The following LINGO2 variants were observed in gnomAD, a reference collection of about 807,000 sequenced individuals.
LINGO2 encodes the protein leucine-rich repeat and immunoglobulin-like domain-containing nogo receptor-interacting protein 2.
A neutral mutation model predicts 30.6 loss-of-function variants in LINGO2; 14 were observed. That is an observed-to-expected ratio of 0.46 (90% CI 0.30 to 0.72). The LOEUF is 0.72. Among genes scored for constraint, LINGO2 ranks in the 30% least tolerant of loss-of-function variants. The pLI, the probability that LINGO2 is intolerant of heterozygous loss-of-function variation, is 0.07. For synonymous variants in LINGO2, 317 were observed against 288.5 expected, an observed-to-expected ratio of 1.10 and a Z score of -1.00; for missense variants, 729 against 751.7, an observed-to-expected ratio of 0.97 and a Z score of 0.35.
chr9:28,186,281 C>T (rs992520835), intron 4 of LINGO2, among the ~76,000 whole-genome samples: 3 of 152,030 alleles, frequency 2.0e-5, no homozygotes, highest in South Asian at 2.1e-4. Flanking sequence ...TCTAAAGAGG[C>T]GCTGATTCTA....
intron 3 of LINGO2, among the ~76,000 whole-genome samples, chr9:28,302,869 C>T (rs1025689948): frequency 5.3e-5 from 8 of 152,126 alleles, no homozygotes; most frequent in Non-Finnish European, 1.0e-4. Context: ...ACAGGTACTA[C>T]TTCCATTTTG....
the LINGO2 span, among the ~76,000 whole-genome samples, chr9:28,852,302 C>A: frequency 6.6e-6 from 1 of 151,904 alleles, no homozygotes; most frequent in Non-Finnish European, 1.5e-5. Context: ...GCTCCCTCCC[C>A]CATCAATATT....
rs144236558 is a variant in LINGO2 at position 28,062,035 on chromosome 9, T to C, written c.-86-49630A>G. Among the ~76,000 whole-genome samples the C allele has an allele frequency of 4.6e-3, 705 of 152,210 alleles. 15 individuals are homozygous for C. In the South Asian group the frequency reaches 0.047, roughly 10 times the overall value. The stretch of plus-strand genomic sequence containing the variant: ...GGTATTCTGTCTCATTGCCAGAAGG[T>C]TGTTACTACTAACACTTAGTCTAAA... On this transcript the variant is annotated intron_variant, in intron 4 of 5. Coordinates refer to ENST00000379992, the Ensembl canonical transcript of LINGO2.
the LINGO2 span, among the ~76,000 whole-genome samples, chr9:28,829,516 G>A: frequency 3.9e-5 from 6 of 152,264 alleles, no homozygotes; most frequent in East Asian, 3.9e-4. Flanking sequence ...AACATGGGAC[G>A]CACACAGAGT....
chr9:28,481,703 T>A (rs1453081143), intron 1 of LINGO2, among the ~76,000 whole-genome samples: 2 of 152,042 alleles, frequency 1.3e-5, no homozygotes, highest in African/African-American at 4.8e-5. Context: ...TACATGTGCA[T>A]TGCTGGTGCG....
At chr9:28,460,701 C>G (rs540663556) in intron 2 of LINGO2, among the ~76,000 whole-genome samples, 15 of 152,196 alleles carry the variant, frequency 9.9e-5, no homozygotes, top group African/African-American at 3.4e-4. Context: ...AAATTTTACT[C>G]CTCCCTCTGG....
At chr9:28,249,007 C>G (rs1399237344) in intron 4 of LINGO2, among the ~76,000 whole-genome samples, 1 of 152,068 alleles carries the variant, frequency 6.6e-6, no homozygotes, top group Non-Finnish European at 1.5e-5. Context: ...AGATTATGCT[C>G]TCATGTAGAA....
At chr9:28,400,219 A>G (rs967635973) in intron 2 of LINGO2, among the ~76,000 whole-genome samples, 4 of 152,142 alleles carry the variant, frequency 2.6e-5, no homozygotes, top group African/African-American at 9.7e-5. Flanking sequence ...ATTTATGGGG[A>G]TTCAGAAGAA....
intron 4 of LINGO2, among the ~76,000 whole-genome samples, chr9:28,189,305 GAGGAAGGA>G (rs1217794527): frequency 0.086 from 2,258 of 26,318 alleles, 190 homozygotes; most frequent in Non-Finnish European, 0.092. Flanking sequence ...GGAAGGAAGG[GAGGAAGGA>G]AGGAAGGAAG....
At chr9:28,392,832 T>G (rs1039036002) in intron 2 of LINGO2, among the ~76,000 whole-genome samples, 9 of 152,340 alleles carry the variant, frequency 5.9e-5, no homozygotes, top group Admixed American at 2.0e-4. Context: ...TCCAAGGGTT[T>G]TAGAAGCTCT....
the LINGO2 span, among the ~76,000 whole-genome samples, chr9:29,023,366 A>G: frequency 6.6e-6 from 1 of 152,252 alleles, no homozygotes; most frequent in East Asian, 1.9e-4. Flanking sequence ...GGACAGCAGG[A>G]CACTATATGT....
chr9:28,747,689 C>A, the LINGO2 span, among the ~76,000 whole-genome samples: 1 of 152,100 alleles, frequency 6.6e-6, no homozygotes, highest in Non-Finnish European at 1.5e-5. Flanking sequence ...CCCTGTTGCA[C>A]ATCCTGTGAG....
the LINGO2 span, among the ~76,000 whole-genome samples, chr9:29,022,624 C>T: frequency 2.6e-5 from 4 of 152,314 alleles, no homozygotes; most frequent in Middle Eastern, 3.4e-3. Context: ...TAAATTTTCA[C>T]ATTTCATTTC....
the LINGO2 span, among the ~76,000 whole-genome samples, chr9:29,169,275 A>G: frequency 6.6e-6 from 1 of 152,132 alleles, no homozygotes; most frequent in Non-Finnish European, 1.5e-5. Context: ...AAAAACTTCA[A>G]AAGTGTTGGA....
In LINGO2 at chr9:28,174,356, T is replaced by C. The variant is rs541788482; in HGVS notation, c.-87+120852A>G. Among the ~76,000 whole-genome samples the C allele has an allele frequency of 3.3e-5, 5 of 152,316 alleles. No homozygotes were observed. The East Asian group carries it at 7.7e-4, about 23-fold the overall frequency. ...CAGAACACTGCTATGTAAAATTACT[T>C]GCTTTCAGTTTACAAAATGCCACTT... On this transcript the variant is annotated intron_variant, in intron 4 of 5. Transcript: ENST00000379992.
the LINGO2 span, among the ~76,000 whole-genome samples, chr9:28,692,737 T>C: frequency 1.1e-4 from 17 of 152,120 alleles, no homozygotes; most frequent in Non-Finnish European, 1.9e-4. Context: ...TTGCCTCATG[T>C]TGGGTGGCAC....
chr9:29,031,604 T>C, the LINGO2 span, among the ~76,000 whole-genome samples: 1 of 152,066 alleles, frequency 6.6e-6, no homozygotes, highest in Non-Finnish European at 1.5e-5. Flanking sequence ...TATTTTTAAA[T>C]CCATATCTAT....
chr9:29,040,555 G>T, the LINGO2 span, among the ~76,000 whole-genome samples: 1 of 147,792 alleles, frequency 6.8e-6, no homozygotes, highest in Non-Finnish European at 1.5e-5. Flanking sequence ...AAAACCTCTA[G>T]ACGCCTCTTT....
the LINGO2 span, among the ~76,000 whole-genome samples, chr9:28,712,435 T>G: frequency 6.6e-6 from 1 of 151,376 alleles, no homozygotes; most frequent in Non-Finnish European, 1.5e-5. Context: ...CCTAGGGTTC[T>G]TTGGATTATA....
Sources: allele counts gnomAD v4.1 joint callset (sites outside exome capture counted in the v4.1 genomes callset), GRCh38; gene constraint gnomAD v4.1.1; transcripts MANE v1.5; gene names NCBI Gene and HGNC (gene_info 2026-07-23, HGNC 2026-07-21).